The following CCDC178 variants were observed in gnomAD, a reference collection of about 807,000 sequenced individuals.
The protein encoded by CCDC178 is coiled-coil domain containing 178.
In CCDC178, 126 loss-of-function variants were observed where a neutral mutation model predicts 117.4. That is an observed-to-expected ratio of 1.07 (90% confidence interval 0.93 to 1.24). CCDC178 has a LOEUF of 1.24. CCDC178 is among the 50% of genes most tolerant of loss of function. The pLI is 0.00. For missense variants in CCDC178, 1,030 were observed against 986.9 expected (o/e 1.04, Z -0.59); for synonymous variants, 283 against 313.4 (o/e 0.90, Z 1.02).
chr18:33,087,752 A>G (rs2057402762), intron 21 of CCDC178, among the ~76,000 whole-genome samples: 1 of 152,210 alleles, frequency 6.6e-6, no homozygotes, highest in South Asian at 2.1e-4. Flanking sequence ...GACAGAATTC[A>G]CTATCAAAGC....
chr18:33,388,440 T>C (rs547030817), intron 5 of CCDC178, among the ~76,000 whole-genome samples: 21 of 150,000 alleles, frequency 1.4e-4, no homozygotes, highest in Admixed American at 8.0e-4. Flanking sequence ...CTATTCACAA[T>C]AGCAAAGACA....
chr18:33,328,352 C>A (rs2062617298), intron 10 of CCDC178, among the ~76,000 whole-genome samples: 1 of 152,060 alleles, frequency 6.6e-6, no homozygotes, highest in Admixed American at 6.6e-5. Context: ...CCGCCCACCT[C>A]AGCCTCCCAA....
In CCDC178 at chr18:33,119,924, C is replaced by G. The variant is rs865898091; in HGVS notation, c.2239-27014G>C. Among the ~76,000 whole-genome samples the G allele has an allele frequency of 6.6e-5, 10 of 152,096 alleles. No homozygotes were observed. In the Middle Eastern group the frequency reaches 0.014, roughly 207 times the overall value. On this transcript the variant is annotated intron_variant, in intron 20 of 22. Transcript: ENST00000383096. ...GCTGGAAACCATCATTCTCAGCAAA[C>G]TATCACAAGGACAAAAAATCAAACA...
rs376061141 is a variant in CCDC178, at chr18:33,032,053, A to G, written c.2389-57372T>C. 7.2e-5 allele frequency among the ~76,000 whole-genome samples: 11 copies of G among 152,276 alleles called. No homozygotes were observed. In the South Asian group the frequency reaches 2.1e-3, roughly 29 times the overall value. ...TTTCACAAACAGGCAAAAATAACCA[A>G]TGGTAGGGCTAGTCAGGACTGTGGT... On this transcript the variant is annotated intron_variant, in intron 21 of 22. Transcript: ENST00000383096.
At chr18:32,952,094 C>T (rs1052143497) in intron 22 of CCDC178, among the ~76,000 whole-genome samples, 4 of 152,150 alleles carry the variant, frequency 2.6e-5, no homozygotes, top group Admixed American at 6.5e-5. Context: ...CATGAACTGG[C>T]ATTGAGTGCC....
intron 14 of CCDC178, among the ~76,000 whole-genome samples, chr18:33,245,655 G>A (rs2059541334): frequency 6.6e-6 from 1 of 151,788 alleles, no homozygotes; most frequent in African/African-American, 2.4e-5. Context: ...AGAAGCATAA[G>A]AGCATCAATA....
chr18:32,986,330 A>G (rs1667901043), intron 21 of CCDC178, among the ~76,000 whole-genome samples: 1 of 152,122 alleles, frequency 6.6e-6, no homozygotes, highest in South Asian at 2.1e-4. Context: ...CTAAGCCTAG[A>G]GTAGAGCTGA....
intron 21 of CCDC178, among the ~76,000 whole-genome samples, chr18:33,032,489 G>C (rs920306465): frequency 2.6e-5 from 4 of 152,056 alleles, no homozygotes; most frequent in Non-Finnish European, 5.9e-5. Flanking sequence ...CTTACAATCT[G>C]CCTAGGAAAG....
At chr18:33,407,661 A>T (rs1283707291) in intron 3 of CCDC178, among the ~76,000 whole-genome samples, 1 of 152,050 alleles carries the variant, frequency 6.6e-6, no homozygotes, top group East Asian at 1.9e-4. Flanking sequence ...ACTATTGTAC[A>T]ACAGTATTGT....
chr18:33,387,613 C>T (rs1599255940), intron 5 of CCDC178, among the ~76,000 whole-genome samples: 3 of 152,038 alleles, frequency 2.0e-5, no homozygotes, highest in Admixed American at 6.6e-5. Flanking sequence ...AATGGGGAAA[C>T]GATTACCTAT....
Position 33,200,031 on chromosome 18 carries a change from C to T in CCDC178, c.2238+11865G>A, listed in dbSNP as rs187977152. On this transcript the variant is annotated intron_variant, in intron 20 of 22. Transcript: ENST00000383096. ...CACCCAAAGACTCAACAAGTTCTGT[C>T]TACATTAACTCAAAAAAATCTGGAA... is the stretch of plus-strand genomic sequence containing the variant. 2.9e-3 allele frequency among the ~76,000 whole-genome samples: 440 copies of T among 152,238 alleles called. 1 individual carries two copies. Among genetic ancestry groups the T allele is most frequent in the Middle Eastern group, 6.8e-3 (2 of 294 alleles).
At chr18:33,284,453 G>A (rs779065902) in intron 12 of CCDC178, among the ~76,000 whole-genome samples, 2 of 152,024 alleles carry the variant, frequency 1.3e-5, no homozygotes, top group Non-Finnish European at 2.9e-5. Context: ...ATTGAAATAA[G>A]TTTTTATGTC....
At chr18:33,291,504 C>A (rs953283390) in intron 12 of CCDC178, among the ~76,000 whole-genome samples, 8 of 151,950 alleles carry the variant, frequency 5.3e-5, no homozygotes, top group Admixed American at 5.2e-4. Context: ...TAATGAGGTA[C>A]AATTAAAAAG....
intron 21 of CCDC178, among the ~76,000 whole-genome samples, chr18:33,061,479 A>G (rs2056919087): frequency 6.6e-6 from 1 of 152,134 alleles, no homozygotes; most frequent in Non-Finnish European, 1.5e-5. Context: ...GAATCTAAAA[A>G]CCAATTTCTG....
chr18:33,303,733 T>C (rs1209227971), intron 11 of CCDC178, among the ~76,000 whole-genome samples: 3 of 151,406 alleles, frequency 2.0e-5, no homozygotes, highest in Non-Finnish European at 4.4e-5. Context: ...TAATGGTAAA[T>C]TGTTGTGTTA....
chr18:33,058,843 T>C (rs923845225), intron 21 of CCDC178, among the ~76,000 whole-genome samples: 100 of 152,324 alleles, frequency 6.6e-4, no homozygotes, highest in African/African-American at 2.1e-3. Context: ...TCCTTTTGTG[T>C]TCATTTTTGT....
intron 21 of CCDC178, among the ~76,000 whole-genome samples, chr18:32,984,758 T>C (rs1381270115): frequency 1.3e-5 from 2 of 152,000 alleles, no homozygotes; most frequent in African/African-American, 4.8e-5. Flanking sequence ...TGAATAATTG[T>C]TCAAAAATGG....
At chr18:33,232,469 G>C (rs566114208) in intron 15 of CCDC178, among the ~76,000 whole-genome samples, 60 of 152,296 alleles carry the variant, frequency 3.9e-4, no homozygotes, top group African/African-American at 1.4e-3. Context: ...AAGGAAGATG[G>C]ATACTCTAAA....
intron 6 of CCDC178, among the ~76,000 whole-genome samples, chr18:33,363,109 TA>T (rs1158026444): frequency 6.6e-6 from 1 of 151,952 alleles, no homozygotes; most frequent in African/African-American, 2.4e-5. Flanking sequence ...TAAAGTGTTC[TA>T]AAAAAATTTT....
Sources: allele counts gnomAD v4.1 joint callset (sites outside exome capture counted in the v4.1 genomes callset), GRCh38; gene constraint gnomAD v4.1.1; transcripts MANE v1.5; gene names NCBI Gene and HGNC (gene_info 2026-07-23, HGNC 2026-07-21).